Variants in DYNC1I1 observed in about 807,000 individuals in gnomAD.
The protein encoded by DYNC1I1 is cytoplasmic dynein 1 intermediate chain 1.
Under a neutral mutation model 86.6 loss-of-function variants are expected in DYNC1I1, and 43 were observed. The observed-to-expected ratio is 0.50, with a 90% CI of 0.39 to 0.64. The LOEUF is 0.64. Among genes scored for constraint, DYNC1I1 ranks in the 30% least tolerant of loss-of-function variants. DYNC1I1 has a pLI of 0.00. For synonymous variants in DYNC1I1, 262 were observed against 283.7 expected (o/e 0.92, Z 0.77); for missense variants, 604 against 788.8 (o/e 0.77, Z 2.81).
intron 2 of DYNC1I1, among the ~76,000 whole-genome samples, chr7:95,805,362 A>AT (rs1217052930): frequency 1.3e-5 from 2 of 152,092 alleles, no homozygotes; most frequent in Non-Finnish European, 2.9e-5. Flanking sequence ...TGGTATATAT[A>AT]TTTTTTATGG....
At chr7:95,804,630 T>C (rs1794660826) in intron 1 of DYNC1I1, 91 bp from the exon 2 acceptor site, 2 of 1,320,968 alleles carry the variant, frequency 1.5e-6, no homozygotes, top group East Asian at 5.1e-5. Flanking sequence ...AGTCACATTG[T>C]TAAGTTGCAT....
At chr7:95,821,697 T>TATG (rs1795079868) in intron 4 of DYNC1I1, among the ~76,000 whole-genome samples, 1 of 152,112 alleles carries the variant, frequency 6.6e-6, no homozygotes, top group South Asian at 2.1e-4. Context: ...TTGTTATTAT[T>TATG]ATTATTATTA....
At position 95,908,152 on chromosome 7, in the gene DYNC1I1, G is replaced by A. The variant is rs146249615; in HGVS notation, c.490+38154G>A. 7.9e-3 allele frequency among the ~76,000 whole-genome samples: 1,198 copies of A among 152,190 alleles called. 19 individuals carry two copies. Among genetic ancestry groups the A allele is most frequent in the African/African-American group, 0.028 (1,167 of 41,524 alleles). ...TTAACCTTGTTAAACAACCACGGGA[G>A]GAGATGGAGACTACCCGTGCAAGGA... is the stretch of plus-strand genomic sequence containing the variant. On this transcript the variant is annotated intron_variant, in intron 6 of 16. Transcript: ENST00000447467.
intron 5 of DYNC1I1, among the ~76,000 whole-genome samples, chr7:95,831,643 T>C (rs1434680869): frequency 6.7e-6 from 1 of 149,122 alleles, no homozygotes. Flanking sequence ...ACTAGGTTGT[T>C]TCCTCAATAT....
intron 6 of DYNC1I1, among the ~76,000 whole-genome samples, chr7:95,895,713 TAA>T (rs1790864989): frequency 6.6e-6 from 1 of 152,168 alleles, no homozygotes; most frequent in Non-Finnish European, 1.5e-5. Context: ...CAGCAAGTAA[TAA>T]GTCATTAGCA....
intron 6 of DYNC1I1, among the ~76,000 whole-genome samples, chr7:95,885,459 G>A (rs1584126740): frequency 2.0e-5 from 3 of 152,084 alleles, no homozygotes; most frequent in East Asian, 1.9e-4. Context: ...TTACAGACAT[G>A]AGCCACCATG....
At chr7:95,927,110 C>T (rs1344147268) in intron 6 of DYNC1I1, among the ~76,000 whole-genome samples, 1 of 151,894 alleles carries the variant, frequency 6.6e-6, no homozygotes, top group Non-Finnish European at 1.5e-5. Flanking sequence ...GATTTTATTC[C>T]AGTATGTGAA....
At chr7:96,027,301 C>G (rs2237594) in intron 10 of DYNC1I1, among the ~76,000 whole-genome samples, 26,090 of 152,184 alleles carry the variant, frequency 0.17, 2,431 homozygotes, top group South Asian at 0.3. Context: ...AAAACAATTA[C>G]TTTAGCTTAT....
intron 6 of DYNC1I1, among the ~76,000 whole-genome samples, chr7:95,875,502 C>A (rs1790286901): frequency 6.6e-6 from 1 of 152,178 alleles, no homozygotes; most frequent in Admixed American, 6.5e-5. Context: ...TTTAAACCGT[C>A]CCTGTTAGTA....
At chr7:95,928,970 G>A (rs75748794) in intron 6 of DYNC1I1, among the ~76,000 whole-genome samples, 2,242 of 152,076 alleles carry the variant, frequency 0.015, 34 homozygotes, top group East Asian at 0.028. Flanking sequence ...CAAACTTACC[G>A]GTATTACACA....
chr7:95,824,087 C>T (rs997407582), intron 4 of DYNC1I1, among the ~76,000 whole-genome samples: 4 of 148,512 alleles, frequency 2.7e-5, no homozygotes, highest in Non-Finnish European at 5.9e-5. Context: ...ACTTCCCAGG[C>T]TCAAGCTGTC....
At chr7:95,823,059 A>C (rs62469571) in intron 4 of DYNC1I1, among the ~76,000 whole-genome samples, 27,312 of 152,118 alleles carry the variant, frequency 0.18, 2,572 homozygotes, top group Middle Eastern at 0.22. Context: ...CTTCAAGGAG[A>C]GAAGACTTTG....
chr7:96,086,207 C>T (rs541924861), intron 16 of DYNC1I1, among the ~76,000 whole-genome samples: 4 of 152,316 alleles, frequency 2.6e-5, no homozygotes, highest in Non-Finnish European at 2.9e-5. Flanking sequence ...TAAATATCCC[C>T]TAACAACTAT....
At chr7:95,993,652 T>G (rs1056974049) in intron 9 of DYNC1I1, among the ~76,000 whole-genome samples, 1 of 152,216 alleles carries the variant, frequency 6.6e-6, no homozygotes, top group Non-Finnish European at 1.5e-5. Context: ...GGTGGCCACA[T>G]ACATGTGTGT....
At position 95,985,123 on chromosome 7, in the gene DYNC1I1, A is replaced by G. The variant is rs1032751767; in HGVS notation, c.743+146A>G. The G allele has an allele frequency of 4.4e-6, 5 of 1,131,664 alleles. No homozygotes were observed. The African/African-American group carries it at 4.8e-5, about 11-fold the overall frequency. The allele number at this position is 1,131,664 out of a possible 1,614,324, so 70.1% of individuals were successfully genotyped here. On this transcript the variant is annotated intron_variant, in intron 8 of 16. Transcript: ENST00000447467. ...TTGATCTTGCTGAACAGCTTTGACTATGGGCTTTGGTGATAACTTCTGGCT... is the reference window on the plus strand; with the variant it reads ...TTGATCTTGCTGAACAGCTTTGACTGTGGGCTTTGGTGATAACTTCTGGCT...
At chr7:96,106,346 C>A (rs1023914056) in intron 16 of DYNC1I1, among the ~76,000 whole-genome samples, 38 of 151,954 alleles carry the variant, frequency 2.5e-4, no homozygotes, top group African/African-American at 8.9e-4. Context: ...GCAACCTGAC[C>A]AACATGGTGA....
intron 2 of DYNC1I1, among the ~76,000 whole-genome samples, chr7:95,807,106 T>C (rs1211345859): frequency 1.3e-5 from 2 of 152,194 alleles, no homozygotes; most frequent in Admixed American, 6.6e-5. Flanking sequence ...TGAGATCAGC[T>C]ATCAGAGTAG....
intron 6 of DYNC1I1, among the ~76,000 whole-genome samples, chr7:95,899,726 T>C (rs1790984486): frequency 6.6e-6 from 1 of 152,186 alleles, no homozygotes. Flanking sequence ...TTTCATTCAA[T>C]GTTTCTAGCA....
intron 3 of DYNC1I1, 101 bp downstream of exon 3, chr7:95,810,607 AT>A: frequency 1.0e-6 from 1 of 990,922 alleles, no homozygotes; most frequent in South Asian, 2.4e-5. Context: ...GTTTTTTTTA[AT>A]TTTTATTTTT....
Sources: allele counts gnomAD v4.1 joint callset (sites outside exome capture counted in the v4.1 genomes callset), GRCh38; gene constraint gnomAD v4.1.1; transcripts MANE v1.5; gene names NCBI Gene and HGNC (gene_info 2026-07-23, HGNC 2026-07-21).